Variants in KLF12 observed in about 807,000 individuals in gnomAD.
KLF12 encodes Krueppel-like factor 12.
In KLF12, 9 loss-of-function variants were observed where a neutral mutation model predicts 37.8. That is an observed-to-expected ratio of 0.24 (90% CI 0.14 to 0.42). The LOEUF (loss-of-function observed/expected upper bound fraction) is 0.42, where lower values mean the gene tolerates loss of function less well. Ranked by LOEUF, KLF12 falls within the 10% of genes least tolerant of loss-of-function variation. The pLI is 1.00. For missense variants in KLF12, 411 were observed against 516.0 expected (o/e 0.80, Z 1.97); for synonymous variants, 208 against 202.1 (o/e 1.03, Z -0.25).
chr13:74,140,810 T>C, the KLF12 span, among the ~76,000 whole-genome samples: 186 of 152,200 alleles, frequency 1.2e-3, 4 homozygotes, highest in South Asian at 0.036. Flanking sequence ...TCCCAGCACT[T>C]TGGGAGGCCA....
the KLF12 span, among the ~76,000 whole-genome samples, chr13:74,267,435 A>G: frequency 2.0e-5 from 3 of 152,240 alleles, no homozygotes; most frequent in African/African-American, 2.4e-5. Context: ...TCATGGCAAC[A>G]TGGATGAGCC....
chr13:74,044,742 G>A (rs1431921328), intron 1 of KLF12, among the ~76,000 whole-genome samples: 2 of 151,900 alleles, frequency 1.3e-5, no homozygotes, highest in Admixed American at 6.6e-5. Flanking sequence ...CTGCTCGGGA[G>A]GCTGAGGCAA....
chr13:73,952,285 G>C (rs1390833971), intron 2 of KLF12, among the ~76,000 whole-genome samples: 1 of 152,154 alleles, frequency 6.6e-6, no homozygotes, highest in Non-Finnish European at 1.5e-5. Context: ...TGTACACGAA[G>C]CATGGCTGAG....
chr13:73,836,983 T>A (rs1214281620), intron 4 of KLF12, among the ~76,000 whole-genome samples: 1 of 151,808 alleles, frequency 6.6e-6, no homozygotes, highest in East Asian at 1.9e-4. Context: ...TACAATGAAA[T>A]GAAAACAAAG....
chr13:74,189,531 C>A, the KLF12 span, among the ~76,000 whole-genome samples: 2 of 152,252 alleles, frequency 1.3e-5, no homozygotes, highest in East Asian at 3.9e-4. Flanking sequence ...GTTCCCTCTG[C>A]TAACTGTGGG....
At chr13:73,957,912 T>C (rs1483989687) in intron 2 of KLF12, among the ~76,000 whole-genome samples, 2 of 152,320 alleles carry the variant, frequency 1.3e-5, no homozygotes, top group East Asian at 3.9e-4. Context: ...GTTTAAACGT[T>C]GGATCCTTTC....
intron 3 of KLF12, among the ~76,000 whole-genome samples, chr13:73,886,986 C>T (rs1275196135): frequency 1.9e-5 from 2 of 107,554 alleles, no homozygotes; most frequent in Admixed American, 1.0e-4. Flanking sequence ...GAGCGAAAAT[C>T]CGTCTCAAAA....
intron 6 of KLF12, among the ~76,000 whole-genome samples, chr13:73,755,189 T>G (rs1184887626): frequency 6.6e-6 from 1 of 152,326 alleles, no homozygotes; most frequent in South Asian, 2.1e-4. Context: ...AAAAGCAGCG[T>G]TTCTTTTTCT....
intron 3 of KLF12, among the ~76,000 whole-genome samples, chr13:73,909,609 A>G (rs1224234514): frequency 1.3e-5 from 2 of 152,190 alleles, no homozygotes; most frequent in African/African-American, 4.8e-5. Context: ...CCCTCACAGG[A>G]CAGACATAGC....
the KLF12 span, among the ~76,000 whole-genome samples, chr13:74,180,600 G>A: frequency 6.6e-6 from 1 of 152,176 alleles, no homozygotes; most frequent in Admixed American, 6.5e-5. Context: ...TGACTTGACA[G>A]CAATTCAGAA....
At chr13:73,724,988 C>G (rs567845652) in intron 6 of KLF12, among the ~76,000 whole-genome samples, 2 of 152,086 alleles carry the variant, frequency 1.3e-5, no homozygotes, top group African/African-American at 4.8e-5. Flanking sequence ...CTTTTTTTTG[C>G]TTTGGCTGCT....
At chr13:74,100,547 G>T (rs1469948895) in intron 1 of KLF12, among the ~76,000 whole-genome samples, 1 of 152,132 alleles carries the variant, frequency 6.6e-6, no homozygotes, top group Non-Finnish European at 1.5e-5. Context: ...GAACCCAGGA[G>T]ACAGAGTTGC....
At chr13:73,911,684 G>T (rs1287401730) in intron 3 of KLF12, among the ~76,000 whole-genome samples, 1 of 152,180 alleles carries the variant, frequency 6.6e-6, no homozygotes, top group East Asian at 1.9e-4. Flanking sequence ...GATTTTTGAA[G>T]AGTACCTAGA....
intron 5 of KLF12, among the ~76,000 whole-genome samples, chr13:73,805,733 T>C (rs1007142482): frequency 1.3e-5 from 2 of 151,652 alleles, no homozygotes; most frequent in African/African-American, 4.9e-5. Flanking sequence ...TGCAATTGTT[T>C]CACACAAGTT....
At chr13:73,748,452 G>GT (rs1878519154) in intron 6 of KLF12, among the ~76,000 whole-genome samples, 1 of 152,102 alleles carries the variant, frequency 6.6e-6, no homozygotes, top group African/African-American at 2.4e-5. Flanking sequence ...CATGAGGGTG[G>GT]TGGGGCCCTT....
chr13:73,893,756 C>CT (rs745876903), intron 3 of KLF12, among the ~76,000 whole-genome samples: 7 of 152,040 alleles, frequency 4.6e-5, no homozygotes, highest in Non-Finnish European at 1.0e-4. Context: ...CATAAATGTG[C>CT]TTGTATAATT....
intron 1 of KLF12, among the ~76,000 whole-genome samples, chr13:74,124,191 T>C (rs943818995): frequency 1.3e-5 from 2 of 152,250 alleles, no homozygotes; most frequent in African/African-American, 4.8e-5. Flanking sequence ...CATTTCTTTC[T>C]TCAATGAAAT....
chr13:74,171,442 T>C, the KLF12 span, among the ~76,000 whole-genome samples: 1 of 152,102 alleles, frequency 6.6e-6, no homozygotes. Flanking sequence ...TCAATTTAGC[T>C]GCTAAACACA....
chr13:73,934,963 TTATTTATTTA>T (rs369884264), intron 3 of KLF12, among the ~76,000 whole-genome samples: 8,217 of 148,992 alleles, frequency 0.055, 294 homozygotes, highest in African/African-American at 0.1. Flanking sequence ...ATTTATTTAT[TTATTTATTTA>T]TTTATTTATT....
Sources: gnomAD v4.1 joint callset for allele counts (sites outside exome capture counted in the v4.1 genomes callset) on GRCh38, gnomAD v4.1.1 for gene constraint, MANE v1.5 for transcripts, NCBI Gene and HGNC (gene_info 2026-07-23, HGNC 2026-07-21) for gene names.